The following TGFBRAP1 variants were observed in gnomAD, a reference collection of about 807,000 sequenced individuals.
TGFBRAP1 encodes the protein transforming growth factor-beta receptor-associated protein 1.
In TGFBRAP1, 20 loss-of-function variants were observed where a neutral mutation model predicts 83.2. The observed-to-expected ratio is 0.24, with a 90% CI of 0.17 to 0.35. The LOEUF (loss-of-function observed/expected upper bound fraction) is 0.35, where lower values mean the gene tolerates loss of function less well. Among genes scored for constraint, TGFBRAP1 ranks in the 10% least tolerant of loss-of-function variants. The probability of loss-of-function intolerance (pLI) is 1.00; values close to 1 mark genes in which losing one functional copy is unlikely to be tolerated. For synonymous variants in TGFBRAP1, 415 were observed against 459.8 expected (o/e 0.90, Z 1.25); for missense variants, 950 against 1,099.4 (o/e 0.86, Z 1.92).
intron 1 of TGFBRAP1, among the ~76,000 whole-genome samples, chr2:105,309,067 G>A (rs1351525110): frequency 6.6e-6 from 1 of 152,208 alleles, no homozygotes; most frequent in African/African-American, 2.4e-5. Context: ...TGGACCGACC[G>A]GTCCCTGGCT....
Position 105,275,646 on chromosome 2 carries a change from C to G in TGFBRAP1, c.1579G>C (p.Glu527Gln). 6.2e-7 allele frequency: 1 copy of G among 1,614,106 alleles called. No individual in the cohort carries two copies. The highest frequency in any genetic ancestry group is 1.7e-5 in the Admixed American group (1 of 60,002). ...VQDSTRSDLY[E>Q]YIVDFLTYCL... ...TAGGTAAGAAAATCCACGATGTATT[C>G]ATACAGGTCTGAGCGTGTGGAGTCC... Residue 527 changes from glutamate (E) to glutamine (Q), a missense_variant, in exon 8 of 12, where the codon GAA becomes CAA. Transcript: ENST00000393359.
At chr2:105,290,215 T>A (rs1206643652) in intron 4 of TGFBRAP1, among the ~76,000 whole-genome samples, 1 of 152,128 alleles carries the variant, frequency 6.6e-6, no homozygotes, top group Non-Finnish European at 1.5e-5. Context: ...TACAGGTGCA[T>A]GCCATCATGC....
intron 5 of TGFBRAP1, among the ~76,000 whole-genome samples, chr2:105,282,403 G>A (rs748088875): frequency 6.6e-6 from 1 of 152,222 alleles, no homozygotes; most frequent in Non-Finnish European, 1.5e-5. Context: ...CCTCCGGCAC[G>A]GCACTGAGGA....
intron 4 of TGFBRAP1, among the ~76,000 whole-genome samples, chr2:105,287,153 A>G (rs544940063): frequency 6.6e-6 from 1 of 151,628 alleles, no homozygotes; most frequent in Non-Finnish European, 1.5e-5. Flanking sequence ...AGTCAGATTC[A>G]TAGAGACAGA....
intron 1 of TGFBRAP1, among the ~76,000 whole-genome samples, chr2:105,318,978 T>C (rs766710552): frequency 2.0e-5 from 3 of 152,110 alleles, no homozygotes; most frequent in Non-Finnish European, 2.9e-5. Flanking sequence ...CTTCTTTCCA[T>C]TTCCTCTATA....
Position 105,267,517 on chromosome 2 carries a change from G to A in TGFBRAP1, c.2449C>T (p.Leu817Phe). Residue 817 changes from leucine (L) to phenylalanine (F), a missense_variant, in exon 12 of 12, where the codon CTT (leucine) becomes TTT (phenylalanine). By Grantham distance (22) the Leu-to-Phe change is conservative. Coordinates refer to ENST00000393359, the MANE Select transcript of TGFBRAP1 (RefSeq NM_004257.6). ...AAGGGATTTTGGCATATCTGACAAAGCTTTTTGTCTGAGAGTTGGATTGAG... is the reference window on the plus strand; with the variant it reads ...AAGGGATTTTGGCATATCTGACAAAACTTTTTGTCTGAGAGTTGGATTGAG... ...GSSIQLSDKK[L>F]CQICQNPFCE... 2 of 1,614,244 alleles carry A rather than the reference G, an allele frequency of 1.2e-6. No individual in the cohort carries two copies. The highest frequency in any genetic ancestry group is 1.7e-6 in the Non-Finnish European group (2 of 1,180,050).
intron 3 of TGFBRAP1, among the ~76,000 whole-genome samples, chr2:105,298,085 A>T (rs1212992252): frequency 6.6e-6 from 1 of 152,176 alleles, no homozygotes; most frequent in Non-Finnish European, 1.5e-5. Context: ...CTACAGTCAC[A>T]GTGAGCTGCT....
chr2:105,317,445 A>G (rs1678920275), intron 1 of TGFBRAP1, among the ~76,000 whole-genome samples: 1 of 152,110 alleles, frequency 6.6e-6, no homozygotes, highest in Non-Finnish European at 1.5e-5. Context: ...AAAAAAAAAA[A>G]AAAAGAAAGC....
chr2:105,327,927 C>T (rs2104428811), intron 1 of TGFBRAP1, among the ~76,000 whole-genome samples: 1 of 152,312 alleles, frequency 6.6e-6, no homozygotes, highest in Non-Finnish European at 1.5e-5. Context: ...TCAGAACCCA[C>T]AAGTCTAACT....
chr2:105,298,813 G>T, intron 2 of TGFBRAP1, 108 bp from the exon 3 acceptor site: 2 of 1,027,556 alleles, frequency 1.9e-6, no homozygotes, highest in Non-Finnish European at 2.7e-6. Flanking sequence ...CAATTTTCCT[G>T]TACAGTCTTA....
chr2:105,252,688 TCTC>T, the TGFBRAP1 span, among the ~76,000 whole-genome samples: 1 of 151,968 alleles, frequency 6.6e-6, no homozygotes, highest in Non-Finnish European at 1.5e-5. Flanking sequence ...CTGGTTTCCT[TCTC>T]CTTAAACCAT....
intron 2 of TGFBRAP1, among the ~76,000 whole-genome samples, chr2:105,300,521 C>A (rs1678250897): frequency 6.7e-6 from 1 of 148,778 alleles, no homozygotes; most frequent in Non-Finnish European, 1.5e-5. Context: ...ACTGCAACCT[C>A]TGCCTCCCGG....
rs1191123727 is a variant in TGFBRAP1, at chr2:105,267,425, T to A, written c.2541A>T (p.Arg847Ser). The change falls in exon 12 of 12, where the codon AGA becomes AGT. Residue 847 changes from arginine to serine, a missense_variant. Physicochemically the swap from Arg to Ser is moderately radical, Grantham distance 110. Coordinates refer to ENST00000393359, the MANE Select transcript of TGFBRAP1 (RefSeq NM_004257.6). ...GLVHTHCAASRHTNPSSSSPG... is the reference protein window; with the variant it reads ...GLVHTHCAASSHTNPSSSSPG... ...GACTGGATGAGCTGGGGTTTGTGTG[T>A]CTGCTGGCGGCACAGTGGGTGTGCA... is the stretch of plus-strand genomic sequence containing the variant. The A allele has an allele frequency of 1.2e-6, 2 of 1,614,096 alleles. No homozygotes were observed. The highest frequency in any genetic ancestry group is 1.7e-6 in the Non-Finnish European group (2 of 1,180,050).
At chr2:105,260,574 G>A (rs566601583), downstream of TGFBRAP1, among the ~76,000 whole-genome samples, 1 of 152,174 alleles carries the variant, frequency 6.6e-6, no homozygotes, top group Non-Finnish European at 1.5e-5. Context: ...TAGAATGGTG[G>A]GTGTCAGGGG....
chr2:105,277,555 C>T (rs965946748), intron 7 of TGFBRAP1, 59 bp downstream of exon 7: 24 of 1,561,486 alleles, frequency 1.5e-5, no homozygotes, highest in Non-Finnish European at 1.9e-5. Context: ...TTAAGTAACA[C>T]TAAGTATTAC....
chr2:105,254,624 GAAGT>G, the TGFBRAP1 span, among the ~76,000 whole-genome samples: 1,333 of 152,106 alleles, frequency 8.8e-3, 13 homozygotes, highest in African/African-American at 0.031. Context: ...TGAACAAGCA[GAAGT>G]AAGTATGCTT....
chr2:105,256,884 G>A, the TGFBRAP1 span, among the ~76,000 whole-genome samples: 12 of 152,298 alleles, frequency 7.9e-5, no homozygotes, highest in East Asian at 1.2e-3. Flanking sequence ...TAAATCTCAC[G>A]AAAACCAAGA....
rs1379538699 is a variant in TGFBRAP1 at position 105,303,187 on chromosome 2, T to C, written c.688+4427A>G. On this transcript the variant is annotated intron_variant, in intron 2 of 11. Transcript: ENST00000393359. Reference sequence around the variant, plus strand: ...GTGCACGCCTATAGTCCCAGCTACCTGGGAAGCTGAGGCGAGAGGCTTGCT... The same window carrying C: ...GTGCACGCCTATAGTCCCAGCTACCCGGGAAGCTGAGGCGAGAGGCTTGCT... Among the ~76,000 whole-genome samples the C allele has an allele frequency of 2.6e-5, 4 of 152,170 alleles. No individual in the cohort carries two copies. The East Asian group carries it at 7.7e-4, about 29-fold the overall frequency.
intron 4 of TGFBRAP1, 83 bp downstream of exon 4, chr2:105,296,273 A>C: frequency 6.5e-7 from 1 of 1,530,860 alleles, no homozygotes; most frequent in African/African-American, 1.4e-5. Flanking sequence ...GTACACAGGA[A>C]GGGCCGATGC....
Sources: gnomAD v4.1 joint callset for allele counts (sites outside exome capture counted in the v4.1 genomes callset) on GRCh38, gnomAD v4.1.1 for gene constraint, MANE v1.5 for transcripts, NCBI Gene and HGNC (gene_info 2026-07-23, HGNC 2026-07-21) for gene names.